Variants in TAS2R1 observed in about 807,000 individuals in gnomAD.
TAS2R1 encodes the protein taste 2 receptor member 1.
For missense variants in TAS2R1, 370 were observed against 353.4 expected (o/e 1.05, Z -0.38); for synonymous variants, 141 against 134.2 (o/e 1.05, Z -0.35).
Position 9,681,531 on chromosome 5 carries a change from C to CAAAAAAAAAAAAA in TAS2R1, c.-241-21963_-241-21951dup, listed in dbSNP as rs10681888. Among the ~76,000 whole-genome samples the CAAAAAAAAAAAAA allele has an allele frequency of 5.5e-4, 48 of 87,874 alleles. 2 individuals carry two copies. Among genetic ancestry groups the CAAAAAAAAAAAAA allele is most frequent in the Admixed American group, 1.7e-3 (11 of 6,378 alleles). 57.6% of individuals were successfully genotyped at this position (87,874 alleles called of 152,430 possible). A position where few individuals can be genotyped will look rare whatever the true frequency, so the allele number is the denominator to read the frequency against. Reference sequence around the variant, plus strand: ...TTTCAGGGGACTTCTCATGTTTCTGCAAAAAAAAAAAAAAAAAAAGATGCC... The same window carrying CAAAAAAAAAAAAA: ...TTTCAGGGGACTTCTCATGTTTCTGCAAAAAAAAAAAAAAAAAAAAAAAAAAAAAAAAGATGCC... On this transcript the variant is annotated intron_variant, in intron 1 of 2. Transcript: ENST00000506620.
At chr5:9,678,973 G>A (rs996839198) in intron 1 of TAS2R1, among the ~76,000 whole-genome samples, 1 of 152,126 alleles carries the variant, frequency 6.6e-6, no homozygotes, top group Non-Finnish European at 1.5e-5. Flanking sequence ...CTTTTAATAG[G>A]TGAGTGGATA....
the TAS2R1 span, among the ~76,000 whole-genome samples, chr5:9,756,857 C>A: frequency 6.6e-6 from 1 of 151,912 alleles, no homozygotes; most frequent in Non-Finnish European, 1.5e-5. Context: ...ATCAATGTGA[C>A]AAGAAAATAT....
the TAS2R1 span, among the ~76,000 whole-genome samples, chr5:9,783,996 C>T: frequency 6.6e-6 from 1 of 152,316 alleles, no homozygotes; most frequent in Non-Finnish European, 1.5e-5. Flanking sequence ...ATGACTTAAC[C>T]TCTCTGTGCT....
chr5:9,899,205 A>G, the TAS2R1 span, among the ~76,000 whole-genome samples: 1 of 152,204 alleles, frequency 6.6e-6, no homozygotes, highest in Non-Finnish European at 1.5e-5. Context: ...ATGTATGACC[A>G]CCAGAGGAGT....
chr5:9,711,677 T>C (rs902511312), intron 1 of TAS2R1, among the ~76,000 whole-genome samples: 1 of 152,170 alleles, frequency 6.6e-6, no homozygotes, highest in Non-Finnish European at 1.5e-5. Flanking sequence ...ATTTATTTAT[T>C]TATTTTCTGA....
chr5:9,797,091 C>A, the TAS2R1 span, among the ~76,000 whole-genome samples: 3 of 152,140 alleles, frequency 2.0e-5, no homozygotes, highest in South Asian at 4.1e-4. Context: ...GCTCACCAAT[C>A]CTCAGCCTTT....
chr5:9,782,019 T>A, the TAS2R1 span, among the ~76,000 whole-genome samples: 1 of 152,230 alleles, frequency 6.6e-6, no homozygotes, highest in Non-Finnish European at 1.5e-5. Context: ...TAGAATAGCA[T>A]CTGGCTCAAG....
the TAS2R1 span, among the ~76,000 whole-genome samples, chr5:9,725,384 G>A: frequency 3.3e-5 from 5 of 152,228 alleles, no homozygotes; most frequent in African/African-American, 1.2e-4. Context: ...GCATGGGCTT[G>A]GCAGGCCCCG....
intron 2 of TAS2R1, among the ~76,000 whole-genome samples, chr5:9,644,746 C>T (rs1249077753): frequency 6.6e-6 from 1 of 152,050 alleles, no homozygotes; most frequent in Non-Finnish European, 1.5e-5. Context: ...AATAAGAAAC[C>T]ACATTTTGTG....
chr5:9,809,521 A>C, the TAS2R1 span, among the ~76,000 whole-genome samples: 1 of 152,090 alleles, frequency 6.6e-6, no homozygotes, highest in South Asian at 2.1e-4. Context: ...ATTCATCTGC[A>C]AGCCAGGAAG....
chr5:9,715,988 C>A (rs905481757), upstream of TAS2R1, among the ~76,000 whole-genome samples: 2 of 152,240 alleles, frequency 1.3e-5, no homozygotes, highest in African/African-American at 4.8e-5. Context: ...AATGGAGTGA[C>A]ACATACTCTT....
chr5:9,690,069 T>C (rs1741208412), intron 1 of TAS2R1, among the ~76,000 whole-genome samples: 2 of 152,248 alleles, frequency 1.3e-5, no homozygotes, highest in African/African-American at 4.8e-5. Context: ...TGTATAGTAA[T>C]CTAGCATTGG....
intron 2 of TAS2R1, among the ~76,000 whole-genome samples, chr5:9,644,535 C>T (rs901922078): frequency 6.6e-6 from 1 of 152,098 alleles, no homozygotes; most frequent in Non-Finnish European, 1.5e-5. Context: ...ATCAAGAGCT[C>T]TGTGTGGACA....
At chr5:9,732,643 A>G in the TAS2R1 span, among the ~76,000 whole-genome samples, 1 of 152,300 alleles carries the variant, frequency 6.6e-6, no homozygotes, top group South Asian at 2.1e-4. Flanking sequence ...GGGTTGATGG[A>G]TGAATAAACA....
intron 1 of TAS2R1, among the ~76,000 whole-genome samples, chr5:9,706,213 A>G (rs1479593080): frequency 1.3e-5 from 2 of 152,168 alleles, no homozygotes; most frequent in Non-Finnish European, 2.9e-5. Flanking sequence ...TATGGTGACA[A>G]TTCAAATGTC....
chr5:9,652,076 A>G (rs1042116193), intron 2 of TAS2R1, among the ~76,000 whole-genome samples: 3 of 152,238 alleles, frequency 2.0e-5, no homozygotes, highest in African/African-American at 4.8e-5. Flanking sequence ...TATTGAAATC[A>G]TTATATGTAT....
At chr5:9,819,455 T>C in the TAS2R1 span, among the ~76,000 whole-genome samples, 10 of 152,350 alleles carry the variant, frequency 6.6e-5, no homozygotes, top group African/African-American at 2.4e-4. Context: ...AGTCCCCAAC[T>C]ATCTCTGCAC....
At chr5:9,745,736 C>A in the TAS2R1 span, among the ~76,000 whole-genome samples, 3 of 152,082 alleles carry the variant, frequency 2.0e-5, no homozygotes, top group Non-Finnish European at 4.4e-5. Flanking sequence ...AGAAACTGGA[C>A]CCTTTCCTTA....
chr5:9,715,930 G>A (rs934109014), upstream of TAS2R1, among the ~76,000 whole-genome samples: 9 of 152,272 alleles, frequency 5.9e-5, no homozygotes, highest in African/African-American at 2.2e-4. Context: ...AGCCTTCAGA[G>A]GCCACAAAAA....
Sources: gnomAD v4.1 joint callset for allele counts (sites outside exome capture counted in the v4.1 genomes callset) on GRCh38, gnomAD v4.1.1 for gene constraint, MANE v1.5 for transcripts, NCBI Gene and HGNC (gene_info 2026-07-23, HGNC 2026-07-21) for gene names.